The following FAM3D variants were observed in gnomAD, a reference collection of about 807,000 sequenced individuals.
FAM3D encodes the protein FAM3 metabolism regulating signaling molecule D.
FAM3D carries 26 observed loss-of-function variants against 29.8 expected under a neutral mutation model. That is an observed-to-expected ratio of 0.87 (90% CI 0.64 to 1.21). The LOEUF is 1.21. FAM3D is among the 50% of genes most tolerant of loss of function. The pLI, the probability that FAM3D is intolerant of heterozygous loss-of-function variation, is 0.00. For missense variants in FAM3D, 253 were observed against 290.9 expected (o/e 0.87, Z 0.95); for synonymous variants, 115 against 102.3 (o/e 1.12, Z -0.75).
At position 58,664,023 on chromosome 3, in the gene FAM3D, G is replaced by A. The variant is rs114587540; in HGVS notation, c.-39+2553C>T. Among the ~76,000 whole-genome samples the A allele has an allele frequency of 2.1e-3, 315 of 152,274 alleles. 1 individual carries two copies. Among genetic ancestry groups the A allele is most frequent in the African/African-American group, 7.2e-3 (298 of 41,560 alleles). On this transcript the variant is annotated intron_variant, in intron 1 of 9. Coordinates refer to ENST00000358781, the MANE Select transcript of FAM3D (RefSeq NM_138805.3). ...TCCCTCTGCGATGTGTGTGCATGTC[G>A]GAGGGAGAGGAGTGTGGTGGCCAAC...
Position 58,655,599 on chromosome 3 carries a change from C to T in FAM3D, c.-36G>A, listed in dbSNP as rs768816414. 13 of 1,611,726 alleles carry T rather than the reference C, an allele frequency of 8.1e-6. No homozygotes were observed. The Admixed American group carries it at 2.2e-4, about 27-fold the overall frequency. On this transcript the variant is annotated splice_region_variant and 5_prime_UTR_variant, in exon 2 of 10. Transcript: ENST00000358781. ...TGAAGGGTGGCTTGGGGTCAGCTTC[C>T]ACCTATGGAGAGAAGAAAATCCAGT... is the stretch of plus-strand genomic sequence containing the variant.
chr3:58,663,969 C>A (rs1180076365), intron 1 of FAM3D, among the ~76,000 whole-genome samples: 2 of 152,234 alleles, frequency 1.3e-5, no homozygotes, highest in African/African-American at 4.8e-5. Flanking sequence ...TGAGGTCCCC[C>A]TTCTGCAGCC....
At position 58,666,611 on chromosome 3, in the gene FAM3D, G is replaced by A. The variant is rs1026144144; in HGVS notation, c.-74C>T. The A allele has an allele frequency of 6.6e-6, 1 of 152,236 alleles. No individual in the cohort carries two copies. Among genetic ancestry groups the A allele is most frequent in the African/African-American group, 2.4e-5 (1 of 41,446 alleles). 9.4% of individuals were successfully genotyped at this position (152,236 alleles called of 1,614,324 possible). ...GAGGCTCCCACTTCCCTGCTTCGATGGAGAAGGCGAGGTGGTCCAGCAGGT... is the reference window on the plus strand; with the variant it reads ...GAGGCTCCCACTTCCCTGCTTCGATAGAGAAGGCGAGGTGGTCCAGCAGGT... On this transcript the variant is annotated 5_prime_UTR_variant, in exon 1 of 10. Coordinates refer to ENST00000358781, the MANE Select transcript of FAM3D (RefSeq NM_138805.3).
intron 1 of FAM3D, among the ~76,000 whole-genome samples, chr3:58,662,750 G>A (rs1165955347): frequency 2.0e-5 from 3 of 152,258 alleles, no homozygotes; most frequent in South Asian, 4.1e-4. Context: ...CCCTCCCTCC[G>A]AGGCAGTTGG....
At chr3:58,649,647 C>T (rs572943734) in intron 3 of FAM3D, among the ~76,000 whole-genome samples, 6 of 152,258 alleles carry the variant, frequency 3.9e-5, no homozygotes, top group Admixed American at 1.3e-4. Context: ...TACAGACACA[C>T]ATGTGTGCAC....
At chr3:58,660,023 T>C (rs1394456674) in intron 1 of FAM3D, among the ~76,000 whole-genome samples, 2 of 152,228 alleles carry the variant, frequency 1.3e-5, no homozygotes, top group African/African-American at 2.4e-5. Flanking sequence ...CCAGCAATGC[T>C]GCTTGGGCAA....
chr3:58,650,618 A>C (rs2106857573), intron 3 of FAM3D, among the ~76,000 whole-genome samples: 1 of 152,344 alleles, frequency 6.6e-6, no homozygotes, highest in East Asian at 1.9e-4. Context: ...TCCTGGATTC[A>C]GCCACACCTG....
At chr3:58,657,210 A>G (rs1176265011) in intron 1 of FAM3D, among the ~76,000 whole-genome samples, 2 of 152,168 alleles carry the variant, frequency 1.3e-5, no homozygotes, top group African/African-American at 4.8e-5. Flanking sequence ...ACCCCATGTT[A>G]GAGGAGCCAG....
At chr3:58,661,385 G>A (rs969494475) in intron 1 of FAM3D, among the ~76,000 whole-genome samples, 3 of 152,176 alleles carry the variant, frequency 2.0e-5, no homozygotes, top group African/African-American at 7.2e-5. Flanking sequence ...TCCTCGGGGG[G>A]TGGCTCCATG....
Position 58,640,145 on chromosome 3 carries a change from A to G in FAM3D, c.355T>C (p.Phe119Leu), listed in dbSNP as rs1438994563. The G allele has an allele frequency of 6.2e-7, 1 of 1,614,196 alleles. No individual in the cohort carries two copies. Among genetic ancestry groups the G allele is most frequent in the Admixed American group, 1.7e-5 (1 of 60,024 alleles). Residue 119 changes from phenylalanine to leucine, a missense_variant, in exon 7 of 10, where the codon TTT (phenylalanine) becomes CTT (leucine). Physicochemically the swap from Phe to Leu is conservative, Grantham distance 22. Coordinates refer to ENST00000358781, the MANE Select transcript of FAM3D (RefSeq NM_138805.3). Reference protein sequence around the residue: ...TTGAVLGQKAFDMYSGDVMHL... With the variant: ...TTGAVLGQKALDMYSGDVMHL... ...CACCTACCTCCAGAGTACATGTCAA[A>G]TGCCTTCTGTCCCAGCACAGCTCCC...
intron 3 of FAM3D, among the ~76,000 whole-genome samples, chr3:58,650,872 C>G (rs1394899744): frequency 6.6e-6 from 1 of 152,172 alleles, no homozygotes; most frequent in Non-Finnish European, 1.5e-5. Flanking sequence ...CGCCCGCCAC[C>G]ACGCCCGGCT....
rs773094560 is a variant in FAM3D, at chr3:58,645,618, T to C, written c.154A>G (p.Lys52Glu). ...GGCTTGATGAGGCCACACTTGTACTTTTTAACCTCTGGGGAGGAAAGAGAC... is the reference window on the plus strand; with the variant it reads ...GGCTTGATGAGGCCACACTTGTACTCTTTAACCTCTGGGGAGGAAAGAGAC... ...ASPTKEIQVK[K>E]YKCGLIKPCP... Residue 52 changes from lysine to glutamate, a missense_variant, in exon 5 of 10, where the codon AAG (lysine) becomes GAG (glutamate). Coordinates refer to ENST00000358781, the MANE Select transcript of FAM3D (RefSeq NM_138805.3). The C allele has an allele frequency of 3.1e-6, 5 of 1,614,078 alleles. No homozygotes were observed. Among genetic ancestry groups the C allele is most frequent in the Non-Finnish European group, 4.2e-6 (5 of 1,179,960 alleles).
chr3:58,641,279 G>A (rs1221613788), intron 6 of FAM3D, among the ~76,000 whole-genome samples: 1 of 152,212 alleles, frequency 6.6e-6, no homozygotes, highest in African/African-American at 2.4e-5. Flanking sequence ...GGTAGTTCAG[G>A]TGAATGATTA....
At chr3:58,647,548 C>A (rs765269050) in intron 4 of FAM3D, among the ~76,000 whole-genome samples, 1 of 152,228 alleles carries the variant, frequency 6.6e-6, no homozygotes, top group South Asian at 2.1e-4. Flanking sequence ...TGCCCAGAGC[C>A]TAATCAATTG....
chr3:58,663,125 C>T (rs1431650721), intron 1 of FAM3D, among the ~76,000 whole-genome samples: 1 of 152,222 alleles, frequency 6.6e-6, no homozygotes, highest in African/African-American at 2.4e-5. Context: ...TCTCAAACTC[C>T]TGACCTCAAG....
At chr3:58,647,534 T>A (rs7609752) in intron 4 of FAM3D, among the ~76,000 whole-genome samples, 97,583 of 152,140 alleles carry the variant, frequency 0.64, 32,166 homozygotes, top group South Asian at 0.77. Flanking sequence ...CCACTTCTGG[T>A]GTTTGCCCAG....
intron 1 of FAM3D, among the ~76,000 whole-genome samples, chr3:58,661,058 A>G (rs574625418): frequency 1.3e-5 from 2 of 152,282 alleles, no homozygotes; most frequent in South Asian, 4.1e-4. Context: ...CAACTACTCA[A>G]CTCTGCCTTT....
At chr3:58,660,176 C>G (rs2066904838) in intron 1 of FAM3D, among the ~76,000 whole-genome samples, 1 of 151,810 alleles carries the variant, frequency 6.6e-6, no homozygotes, top group East Asian at 1.9e-4. Context: ...GAAAAAGAAA[C>G]AGAGACACTC....
chr3:58,657,506 G>T (rs2066840906), intron 1 of FAM3D: 2 of 152,368 alleles, frequency 1.3e-5, no homozygotes, highest in East Asian at 3.9e-4. Flanking sequence ...AGAGACAGAG[G>T]GTAGGGGACA....
Sources: gnomAD v4.1 joint callset for allele counts (sites outside exome capture counted in the v4.1 genomes callset) on GRCh38, gnomAD v4.1.1 for gene constraint, MANE v1.5 for transcripts, NCBI Gene and HGNC (gene_info 2026-07-23, HGNC 2026-07-21) for gene names.